Variants in NBEAL1 observed in about 807,000 individuals in gnomAD.
NBEAL1 encodes the protein neurobeachin-like protein 1.
Under a neutral mutation model 351.3 loss-of-function variants are expected in NBEAL1, and 273 were observed. The observed-to-expected ratio is 0.78, with a 90% CI of 0.70 to 0.86. The LOEUF (loss-of-function observed/expected upper bound fraction) is 0.86. NBEAL1 is among the 40% of genes least tolerant of loss of function. NBEAL1 has a pLI of 0.00. For missense variants in NBEAL1, 2,961 were observed against 3,201.3 expected, an observed-to-expected ratio of 0.92 and a Z score of 1.81; for synonymous variants, 1,050 against 1,086.4, an observed-to-expected ratio of 0.97 and a Z score of 0.66.
intron 45 of NBEAL1, 127 bp from the exon 46 acceptor site, chr2:203,190,164 AC>A: frequency 3.6e-4 from 2 of 5,508 alleles, no homozygotes; most frequent in Non-Finnish European, 2.0e-3. Context: ...GTGTGTACAC[AC>A]ACACACACAC....
At position 203,112,004 on chromosome 2, in the gene NBEAL1, C is replaced by A; in HGVS notation, c.2108C>A (p.Pro703His). The change falls in exon 16 of 56, where the codon CCT becomes CAT. Residue 703 changes from proline (P) to histidine (H), a missense_variant. Transcript: ENST00000683969. ...LWHNITVVHM[P>H]GKRPFGQSFV... ...CACAACATAACTGTTGTCCACATGCCTGGAAAAAGGCCTTTTGGTCAGAGC... is the reference window on the plus strand; with the variant it reads ...CACAACATAACTGTTGTCCACATGCATGGAAAAAGGCCTTTTGGTCAGAGC... The A allele has an allele frequency of 1.3e-6, 2 of 1,551,488 alleles. No homozygotes were observed. Among genetic ancestry groups the A allele is most frequent in the Non-Finnish European group, 1.7e-6 (2 of 1,146,928 alleles).
Position 203,083,297 on chromosome 2 carries a change from G to A in NBEAL1, c.763G>A (p.Asp255Asn), listed in dbSNP as rs563857369. 3.4e-5 allele frequency: 53 copies of A among 1,553,034 alleles called. No individual in the cohort carries two copies. Among genetic ancestry groups the A allele is most frequent in the Non-Finnish European group, 4.5e-5 (52 of 1,147,374 alleles). The change falls in exon 9 of 56, where the codon GAT becomes AAT. Residue 255 changes from aspartate (D) to asparagine (N), a missense_variant. Asp to Asn is a conservative substitution (Grantham distance 23, BLOSUM62 1). Coordinates refer to ENST00000683969, the MANE Select transcript of NBEAL1 (RefSeq NM_001378026.1). ...ATTGGCAGATTGTGATTCCTGGGAG[G>A]ATGGAGATCCTGAAGAAGTGGGTAG... ...RVLADCDSWEDGDPEEVGRKA... is the reference protein window; with the variant it reads ...RVLADCDSWENGDPEEVGRKA...
chr2:203,216,884 A>G (rs1473332556), intron 55 of NBEAL1, among the ~76,000 whole-genome samples: 5 of 152,250 alleles, frequency 3.3e-5, no homozygotes, highest in African/African-American at 1.2e-4. Flanking sequence ...GCTTACTGCA[A>G]CCTCTGCCTC....
chr2:203,140,762 C>T (rs1054068868), intron 31 of NBEAL1, among the ~76,000 whole-genome samples: 4 of 152,088 alleles, frequency 2.6e-5, no homozygotes, highest in Non-Finnish European at 5.9e-5. Context: ...ACTGGCCAGG[C>T]GCAGTATCTC....
chr2:203,089,033 T>A (rs778724453), intron 10 of NBEAL1, among the ~76,000 whole-genome samples: 1 of 151,680 alleles, frequency 6.6e-6, no homozygotes, highest in East Asian at 1.9e-4. Flanking sequence ...GGTAATAGGG[T>A]AAGGAGAACA....
chr2:203,152,094 A>C (rs1159644138), intron 35 of NBEAL1, among the ~76,000 whole-genome samples: 1 of 151,742 alleles, frequency 6.6e-6, no homozygotes, highest in Non-Finnish European at 1.5e-5. Flanking sequence ...AGTAGCTGGG[A>C]TTACAGGCAT....
At chr2:203,043,462 C>T (rs553192518) in intron 3 of NBEAL1, among the ~76,000 whole-genome samples, 7 of 152,016 alleles carry the variant, frequency 4.6e-5, no homozygotes, top group African/African-American at 9.7e-5. Flanking sequence ...AAGTGTTGGC[C>T]GGGTGCAGTG....
chr2:203,203,174 GTTTTC>G (rs2065448728), intron 51 of NBEAL1, among the ~76,000 whole-genome samples: 1 of 150,926 alleles, frequency 6.6e-6, no homozygotes, highest in Admixed American at 6.6e-5. Flanking sequence ...AATAGCTTCT[GTTTTC>G]TTTTCTTTTT....
chr2:203,051,797 T>C (rs2061328341), intron 4 of NBEAL1, among the ~76,000 whole-genome samples: 1 of 152,186 alleles, frequency 6.6e-6, no homozygotes, highest in Non-Finnish European at 1.5e-5. Flanking sequence ...ATAAATTTAA[T>C]GTTCAATAGC....
chr2:203,135,563 T>G, intron 27 of NBEAL1, 114 bp from the exon 28 acceptor site: 1 of 667,606 alleles, frequency 1.5e-6, no homozygotes, highest in Non-Finnish European at 2.4e-6. Context: ...GAAAGTATAT[T>G]CTTCTATAGT....
intron 2 of NBEAL1, among the ~76,000 whole-genome samples, chr2:203,033,688 A>G (rs1166823038): frequency 2.6e-5 from 4 of 152,144 alleles, no homozygotes; most frequent in East Asian, 1.9e-4. Context: ...AACTTTTCCA[A>G]TTGTATCTAT....
chr2:203,136,280 G>A lies in NBEAL1; in HGVS notation c.4389+28G>A, dbSNP rs761665407. 40 of 1,463,312 alleles carry A rather than the reference G, an allele frequency of 2.7e-5. 1 individual carries two copies. In the South Asian group the frequency reaches 5.3e-4, roughly 20 times the overall value. The allele number at this position is 1,463,312 out of a possible 1,614,324, so 90.6% of individuals were successfully genotyped here. On this transcript the variant is annotated intron_variant, in intron 28 of 55. Transcript: ENST00000683969. ...AAAATTGCTTATTTTTCCAAATGTT[G>A]TTTTTATTTTCATGTCTGATATATA...
intron 36 of NBEAL1, among the ~76,000 whole-genome samples, chr2:203,163,398 A>C (rs1340272496): frequency 1.3e-5 from 2 of 152,158 alleles, no homozygotes; most frequent in Non-Finnish European, 2.9e-5. Flanking sequence ...TCTTTAGGTA[A>C]AATTTACAAA....
intron 10 of NBEAL1, among the ~76,000 whole-genome samples, chr2:203,088,731 A>C (rs16839521): frequency 6.6e-6 from 1 of 152,124 alleles, no homozygotes; most frequent in Non-Finnish European, 1.5e-5. Context: ...ATTTGTTTCT[A>C]TCTGCTTAAG....
chr2:203,059,110 A>G (rs1223696127), intron 6 of NBEAL1, among the ~76,000 whole-genome samples: 1 of 152,196 alleles, frequency 6.6e-6, no homozygotes, highest in African/African-American at 2.4e-5. Flanking sequence ...CAGGGTTCCC[A>G]TGGTAGTATA....
chr2:203,057,297 CTTTAA>C, intron 5 of NBEAL1, 24 bp from the exon 6 acceptor site: 2 of 1,529,462 alleles, frequency 1.3e-6, no homozygotes, highest in South Asian at 1.2e-5. Flanking sequence ...TAAGGCATGT[CTTTAA>C]TTTATGTTTA....
chr2:203,171,922 G>C lies in NBEAL1; in HGVS notation c.6103-6G>C. 1 of 1,554,152 alleles carries C rather than the reference G, an allele frequency of 6.4e-7. No individual in the cohort carries two copies. ...TTTTGATATTGCTCTTTTTTGTGCT[G>C]TCTAGAAATGGGTAAACAGAGAGAT... On this transcript the variant is annotated splice_polypyrimidine_tract_variant and splice_region_variant and intron_variant, in intron 39 of 55. Transcript: ENST00000683969.
intron 18 of NBEAL1, among the ~76,000 whole-genome samples, chr2:203,118,355 C>T (rs952786558): frequency 3.3e-5 from 5 of 152,062 alleles, no homozygotes; most frequent in African/African-American, 1.2e-4. Flanking sequence ...ATCCTGGATC[C>T]AAAGTTTATG....
rs775601915 is a variant in NBEAL1, at chr2:203,188,564, C to A, written c.6798C>A (p.Asn2266Lys). 13 of 1,602,968 alleles carry A rather than the reference C, an allele frequency of 8.1e-6. No individual in the cohort carries two copies. Among genetic ancestry groups the A allele is most frequent in the Non-Finnish European group, 1.1e-5 (13 of 1,172,874 alleles). Residue 2266 changes from asparagine (N) to lysine (K), a missense_variant, in exon 45 of 56, where the codon AAC becomes AAA. By Grantham distance (94) the Asn-to-Lys change is moderately conservative. Transcript: ENST00000683969. ...QRGPAAVEAL[N>K]VFYYCSYEGA... ...GACCAGCTGCAGTAGAGGCACTCAA[C>A]GTTTTCTATTATTGTAGTTATGAAG...
Sources: gnomAD v4.1 joint callset for allele counts (sites outside exome capture counted in the v4.1 genomes callset) on GRCh38, gnomAD v4.1.1 for gene constraint, MANE v1.5 for transcripts, NCBI Gene and HGNC (gene_info 2026-07-23, HGNC 2026-07-21) for gene names.